Variants in RNF144B observed in about 807,000 individuals in gnomAD.
RNF144B encodes E3 ubiquitin-protein ligase RNF144B.
A neutral mutation model predicts 40.2 loss-of-function variants in RNF144B; 25 were observed. That is an observed-to-expected ratio of 0.62 (90% CI 0.45 to 0.87). RNF144B has a LOEUF of 0.87. Ranked by LOEUF, RNF144B falls within the 40% of genes least tolerant of loss-of-function variation. RNF144B has a pLI of 0.00. For synonymous variants in RNF144B, 145 were observed against 136.3 expected (o/e 1.06, Z -0.44); for missense variants, 365 against 373.7 (o/e 0.98, Z 0.19).
chr6:18,435,268 G>C (rs1482092552), intron 3 of RNF144B, among the ~76,000 whole-genome samples: 1 of 152,204 alleles, frequency 6.6e-6, no homozygotes, highest in East Asian at 1.9e-4. Context: ...GTTGATCTCA[G>C]GGTAGTGGTC....
chr6:18,396,592 C>T, intron 1 of RNF144B: 1 of 985,240 alleles, frequency 1.0e-6, no homozygotes, highest in Non-Finnish European at 1.2e-6. Context: ...CCTTTTTCTC[C>T]TACTCAGGAA....
At position 18,434,922 on chromosome 6, in the gene RNF144B, G is replaced by A. The variant is rs548429715; in HGVS notation, c.271-4762G>A. Among the ~76,000 whole-genome samples the A allele has an allele frequency of 7.2e-5, 11 of 152,272 alleles. No homozygotes were observed. The highest frequency in any genetic ancestry group is 1.3e-4 in the Non-Finnish European group (9 of 68,018). ...AGGCGTAAGCCACCTTGCCTGGCCAGAATTGAGTATTTAATAAGGATCATA... is the reference window on the plus strand; with the variant it reads ...AGGCGTAAGCCACCTTGCCTGGCCAAAATTGAGTATTTAATAAGGATCATA... On this transcript the variant is annotated intron_variant, in intron 3 of 7. Coordinates refer to ENST00000259939, the MANE Select transcript of RNF144B (RefSeq NM_182757.4). This position sits in a 1 kb window ranked among gnomAD's most constrained non-coding sequence, Gnocchi z 4.1.
rs1795187685 is a variant in RNF144B at position 18,418,390 on chromosome 6, T to C, written c.166-9191T>C. On this transcript the variant is annotated intron_variant, in intron 2 of 7. Transcript: ENST00000259939. This position sits in a 1 kb window ranked among gnomAD's most constrained non-coding sequence, Gnocchi z 5.2. Reference sequence around the variant, plus strand: ...CACACAATGGCATACTATTCAGCAATAAAATAAATGAAGTACCAATACATG... The same window carrying C: ...CACACAATGGCATACTATTCAGCAACAAAATAAATGAAGTACCAATACATG... Among the ~76,000 whole-genome samples, 1 of 152,174 alleles carries C rather than the reference T, an allele frequency of 6.6e-6. No homozygotes were observed. Among genetic ancestry groups the C allele is most frequent in the Non-Finnish European group, 1.5e-5 (1 of 68,016 alleles).
rs1350339248 is a variant in RNF144B, at chr6:18,466,320, C to G, written c.*1253C>G. The G allele has an allele frequency of 1.3e-5, 2 of 152,210 alleles. No homozygotes were observed. The highest frequency in any genetic ancestry group is 2.9e-5 in the Non-Finnish European group (2 of 68,044). 9.4% of individuals were successfully genotyped at this position (152,210 alleles called of 1,614,324 possible). A position where few individuals can be genotyped will look rare whatever the true frequency, so the allele number is the denominator to read the frequency against. ...TTACATGTTTTCGAACACAGAATAG[C>G]TCTTTTCTCAGCATCATTATTGCTC... On this transcript the variant is annotated 3_prime_UTR_variant, in exon 8 of 8. Coordinates refer to ENST00000259939, the MANE Select transcript of RNF144B (RefSeq NM_182757.4).
At position 18,466,659 on chromosome 6, in the gene RNF144B, A is replaced by C. The variant is rs1031893443; in HGVS notation, c.*1592A>C. On this transcript the variant is annotated 3_prime_UTR_variant, in exon 8 of 8. Transcript: ENST00000259939. ...AGCCAGGGATACCATATCAGGAACT[A>C]TTCAGGATCTATGATATTTTCTGAG... The C allele has an allele frequency of 7.9e-5, 12 of 152,774 alleles. No homozygotes were observed. Among genetic ancestry groups the C allele is most frequent in the African/African-American group, 2.6e-4 (11 of 41,584 alleles). The allele number at this position is 152,774 out of a possible 1,614,324, so 9.5% of individuals were successfully genotyped here. A position where few individuals can be genotyped will look rare whatever the true frequency, so the allele number is the denominator to read the frequency against.
intron 2 of RNF144B, among the ~76,000 whole-genome samples, chr6:18,421,023 G>A (rs1353964688): frequency 6.6e-6 from 1 of 151,976 alleles, no homozygotes; most frequent in African/African-American, 2.4e-5. Context: ...GGGAGGCTGA[G>A]GCAGACAGAT....
chr6:18,451,871 GAT>G (rs886760499), intron 4 of RNF144B, among the ~76,000 whole-genome samples: 1 of 152,180 alleles, frequency 6.6e-6, no homozygotes, highest in Non-Finnish European at 1.5e-5. Context: ...CCTTGTAAGT[GAT>G]ACTTCATAAA....
In RNF144B at chr6:18,450,640, A is replaced by G. The variant is rs1040075589; in HGVS notation, c.332-6515A>G. On this transcript the variant is annotated intron_variant, in intron 4 of 7. Transcript: ENST00000259939. The surrounding 1 kb of genome is among the most constrained non-coding windows in gnomAD (Gnocchi z 4.7). ...AATATTAATACTTCCACCATGGCTA[A>G]TTTTAAGCTACCAAGGTAATGTCAC... is the stretch of plus-strand genomic sequence containing the variant. Among the ~76,000 whole-genome samples, 1 of 152,154 alleles carries G rather than the reference A, an allele frequency of 6.6e-6. No homozygotes were observed. The highest frequency in any genetic ancestry group is 2.4e-5 in the African/African-American group (1 of 41,430).
At chr6:18,424,233 AT>A (rs1205306698) in intron 2 of RNF144B, among the ~76,000 whole-genome samples, 2 of 152,210 alleles carry the variant, frequency 1.3e-5, no homozygotes, top group Admixed American at 1.3e-4. Flanking sequence ...GACACTCGAG[AT>A]TAAATGTTTT....
At chr6:18,409,508 C>T (rs984104942) in intron 2 of RNF144B, among the ~76,000 whole-genome samples, 6 of 151,508 alleles carry the variant, frequency 4.0e-5, no homozygotes, top group African/African-American at 1.5e-4. Flanking sequence ...TATGCCCTCC[C>T]CCACCCTCTT....
intron 4 of RNF144B, among the ~76,000 whole-genome samples, chr6:18,453,274 G>A (rs553425583): frequency 2.6e-5 from 4 of 151,104 alleles, no homozygotes; most frequent in Non-Finnish European, 5.9e-5. Flanking sequence ...TAGTAGCTGG[G>A]ATCACAGGCG....
rs2113545768 is a variant in RNF144B, at chr6:18,466,343, C to G, written c.*1276C>G. 6.6e-6 allele frequency: 1 copy of G among 152,298 alleles called. No homozygotes were observed. The highest frequency in any genetic ancestry group is 2.1e-4 in the South Asian group (1 of 4,828). 9.4% of individuals were successfully genotyped at this position (152,298 alleles called of 1,614,324 possible). ...AGCTCTTTTCTCAGCATCATTATTG[C>G]TCTTTCAGCATCTGTTAGGACAGTC... On this transcript the variant is annotated 3_prime_UTR_variant, in exon 8 of 8. Transcript: ENST00000259939.
chr6:18,394,992 C>A (rs1353539247), intron 1 of RNF144B, among the ~76,000 whole-genome samples: 2 of 152,134 alleles, frequency 1.3e-5, no homozygotes, highest in Non-Finnish European at 2.9e-5. Flanking sequence ...TACCTGCTAC[C>A]AACCTTAGAA....
intron 1 of RNF144B, among the ~76,000 whole-genome samples, chr6:18,392,948 G>A (rs989702575): frequency 1.3e-5 from 2 of 151,790 alleles, no homozygotes; most frequent in Non-Finnish European, 1.5e-5. Flanking sequence ...GTGAAACCCC[G>A]TCTCTACTAA....
At chr6:18,438,090 T>C (rs1582431906) in intron 3 of RNF144B, among the ~76,000 whole-genome samples, 1 of 152,172 alleles carries the variant, frequency 6.6e-6, no homozygotes, top group South Asian at 2.1e-4. Flanking sequence ...GTCATGTTGG[T>C]CCAGAAGCTG....
rs542229399 is a variant in RNF144B at position 18,456,231 on chromosome 6, G to T, written c.332-924G>T. ...GCCACAGTGCCCGGCCCACATGTGG[G>T]TCTTTCACACATTGTCCCTAAGTTG... On this transcript the variant is annotated intron_variant, in intron 4 of 7. Coordinates refer to ENST00000259939, the MANE Select transcript of RNF144B (RefSeq NM_182757.4). The surrounding 1 kb of genome is among the most constrained non-coding windows in gnomAD (Gnocchi z 4.7). 6.6e-6 allele frequency among the ~76,000 whole-genome samples: 1 copy of T among 152,116 alleles called. No individual in the cohort carries two copies. Among genetic ancestry groups the T allele is most frequent in the Non-Finnish European group, 1.5e-5 (1 of 67,998 alleles).
At chr6:18,449,082 A>G (rs1759150854) in intron 4 of RNF144B, among the ~76,000 whole-genome samples, 1 of 152,246 alleles carries the variant, frequency 6.6e-6, no homozygotes, top group Non-Finnish European at 1.5e-5. Flanking sequence ...GTAGAACCAC[A>G]CTTTCTCCTA....
rs1477949789 is a variant in RNF144B at position 18,406,291 on chromosome 6, A to T, written c.165+6592A>T. Among the ~76,000 whole-genome samples the T allele has an allele frequency of 2.0e-5, 3 of 152,238 alleles. No individual in the cohort carries two copies. The South Asian group carries it at 6.2e-4, about 32-fold the overall frequency. On this transcript the variant is annotated intron_variant, in intron 2 of 7. Coordinates refer to ENST00000259939, the MANE Select transcript of RNF144B (RefSeq NM_182757.4). This position sits in a 1 kb window ranked among gnomAD's most constrained non-coding sequence, Gnocchi z 4.2. ...TTTATTAGATGATCAGGGAAGTCTCAGTGATAAGGTGTTATTTGAGCAGAG... is the reference window on the plus strand; with the variant it reads ...TTTATTAGATGATCAGGGAAGTCTCTGTGATAAGGTGTTATTTGAGCAGAG...
chr6:18,450,252 A>C lies in RNF144B; in HGVS notation c.332-6903A>C, dbSNP rs1422057332. Among the ~76,000 whole-genome samples the C allele has an allele frequency of 6.6e-6, 1 of 151,528 alleles. No homozygotes were observed. The highest frequency in any genetic ancestry group is 1.5e-5 in the Non-Finnish European group (1 of 67,984). Reference sequence around the variant, plus strand: ...GGCCTGTGTTTAATGAGGTGTTGGTAAACAGTCTTTGGCGGGATGAGGGGA... The same window carrying C: ...GGCCTGTGTTTAATGAGGTGTTGGTCAACAGTCTTTGGCGGGATGAGGGGA... On this transcript the variant is annotated intron_variant, in intron 4 of 7. Transcript: ENST00000259939. This position sits in a 1 kb window ranked among gnomAD's most constrained non-coding sequence, Gnocchi z 4.7.
Sources: gnomAD v4.1 joint callset for allele counts (sites outside exome capture counted in the v4.1 genomes callset) on GRCh38, gnomAD v4.1.1 for gene constraint, Gnocchi (gnomAD v3.1) non-coding constraint, MANE v1.5 for transcripts, NCBI Gene and HGNC (gene_info 2026-07-23, HGNC 2026-07-21) for gene names.